CSMD3: variants seen among roughly 807,000 people sequenced by gnomAD.
CSMD3 encodes CUB and Sushi multiple domains 3.
CSMD3 carries 177 observed loss-of-function variants against 435.2 expected under a neutral mutation model. That is an observed-to-expected ratio of 0.41 (90% confidence interval 0.36 to 0.46). CSMD3 has a LOEUF of 0.46. CSMD3 is among the 20% of genes least tolerant of loss of function. The pLI is 0.34. For synonymous variants in CSMD3, 1,656 were observed against 1,520.5 expected, an observed-to-expected ratio of 1.09 and a Z score of -2.07; for missense variants, 4,265 against 4,504.6, an observed-to-expected ratio of 0.95 and a Z score of 1.52.
intron 4 of CSMD3, among the ~76,000 whole-genome samples, chr8:113,122,328 C>G (rs1412559535): frequency 1.3e-5 from 2 of 152,002 alleles, no homozygotes; most frequent in African/African-American, 4.8e-5. Context: ...GTAGAAGCAT[C>G]CATGTTTAGA....
At chr8:113,122,343 T>C (rs1334395751) in intron 4 of CSMD3, among the ~76,000 whole-genome samples, 1 of 152,114 alleles carries the variant, frequency 6.6e-6, no homozygotes. Flanking sequence ...TTTAGATAAA[T>C]AGTGTGAACA....
At chr8:112,641,772 G>A (rs986776120) in intron 20 of CSMD3, among the ~76,000 whole-genome samples, 1 of 152,180 alleles carries the variant, frequency 6.6e-6, no homozygotes, top group Admixed American at 6.6e-5. Flanking sequence ...CAGGAAGACT[G>A]AGGATGCAGT....
intron 4 of CSMD3, among the ~76,000 whole-genome samples, chr8:113,162,571 CAAAAAAAAA>C (rs753811903): frequency 1.7e-5 from 1 of 59,790 alleles, no homozygotes; most frequent in Non-Finnish European, 3.3e-5. Flanking sequence ...GTCCCCACAT[CAAAAAAAAA>C]AAAAAAAAAA....
chr8:112,274,503 G>A (rs1210962389), intron 59 of CSMD3, among the ~76,000 whole-genome samples: 3 of 152,098 alleles, frequency 2.0e-5, no homozygotes, highest in Admixed American at 1.3e-4. Context: ...TGTCTCTAGA[G>A]ATATAGGAAG....
intron 10 of CSMD3, among the ~76,000 whole-genome samples, chr8:112,886,967 G>C (rs1055329236): frequency 2.0e-5 from 3 of 151,096 alleles, no homozygotes; most frequent in Non-Finnish European, 4.4e-5. Flanking sequence ...TGCGGATTTG[G>C]AGGGCTGACT....
At chr8:112,583,971 A>T (rs1830524595) in intron 23 of CSMD3, among the ~76,000 whole-genome samples, 2 of 151,818 alleles carry the variant, frequency 1.3e-5, no homozygotes, top group Admixed American at 1.3e-4. Flanking sequence ...TTGCCTAAAT[A>T]GGATTTTCTC....
intron 35 of CSMD3, among the ~76,000 whole-genome samples, chr8:112,403,964 A>G (rs1831550185): frequency 6.6e-6 from 1 of 152,212 alleles, no homozygotes; most frequent in Non-Finnish European, 1.5e-5. Context: ...ACAGAATAAT[A>G]CAAGAATAGT....
intron 40 of CSMD3, among the ~76,000 whole-genome samples, chr8:112,350,273 A>G (rs1488568866): frequency 7.7e-6 from 1 of 129,870 alleles, no homozygotes; most frequent in African/African-American, 2.7e-5. Context: ...CAAGTCATGG[A>G]CTTTTTTTTT....
At chr8:112,732,369 T>G (rs923771853) in intron 13 of CSMD3, among the ~76,000 whole-genome samples, 5 of 152,086 alleles carry the variant, frequency 3.3e-5, no homozygotes, top group Admixed American at 3.3e-4. Context: ...CACTAACTGA[T>G]AGTGGTTTTG....
At chr8:112,241,839 C>T in intron 65 of CSMD3, 54 bp from the exon 66 acceptor site, 1 of 898,768 alleles carries the variant, frequency 1.1e-6, no homozygotes, top group Non-Finnish European at 1.8e-6. Flanking sequence ...ATTACATACA[C>T]ATGCGCACAC....
chr8:112,825,907 C>G (rs1290944528), intron 12 of CSMD3, among the ~76,000 whole-genome samples: 3 of 152,004 alleles, frequency 2.0e-5, no homozygotes, highest in African/African-American at 4.8e-5. Context: ...CTCGTCTGGT[C>G]TGCCTGGATT....
chr8:112,647,020 C>T (rs1353581508), intron 19 of CSMD3, among the ~76,000 whole-genome samples: 1 of 152,108 alleles, frequency 6.6e-6, no homozygotes, highest in Non-Finnish European at 1.5e-5. Context: ...CCACAACAAC[C>T]TTTTGAGAAA....
intron 27 of CSMD3, among the ~76,000 whole-genome samples, chr8:112,545,497 AAAAAAAT>A (rs1827094146): frequency 7.0e-6 from 1 of 143,796 alleles, no homozygotes; most frequent in Non-Finnish European, 1.5e-5. Flanking sequence ...AAAAAAAAAA[AAAAAAAT>A]AATAATAATA....
intron 22 of CSMD3, among the ~76,000 whole-genome samples, chr8:112,617,909 T>C (rs2131500980): frequency 6.6e-6 from 1 of 152,254 alleles, no homozygotes; most frequent in South Asian, 2.1e-4. Context: ...TTTTCTTTCC[T>C]TCAATTCTCA....
At chr8:112,517,315 A>T in intron 27 of CSMD3, 90 bp from the exon 28 acceptor site, 1 of 907,482 alleles carries the variant, frequency 1.1e-6, no homozygotes, top group Non-Finnish European at 1.7e-6. Context: ...AATTTTTAAA[A>T]TTTTGGGGTC....
At chr8:113,349,171 T>G (rs2094173060) in intron 1 of CSMD3, among the ~76,000 whole-genome samples, 1 of 152,108 alleles carries the variant, frequency 6.6e-6, no homozygotes, top group Admixed American at 6.6e-5. Flanking sequence ...TCAATGAGTC[T>G]TCATTTTTCA....
intron 10 of CSMD3, among the ~76,000 whole-genome samples, chr8:112,861,606 G>C (rs772164467): frequency 6.6e-6 from 1 of 151,812 alleles, no homozygotes; most frequent in African/African-American, 2.4e-5. Flanking sequence ...TCCATAAGAA[G>C]GGTTTCTAAT....
intron 6 of CSMD3, among the ~76,000 whole-genome samples, chr8:112,996,994 G>A (rs892149703): frequency 6.6e-6 from 1 of 151,496 alleles, no homozygotes; most frequent in Non-Finnish European, 1.5e-5. Context: ...TCCCTACTTC[G>A]GTGATTATTA....
At chr8:112,700,626 A>G (rs1050063401) in intron 13 of CSMD3, among the ~76,000 whole-genome samples, 2 of 152,118 alleles carry the variant, frequency 1.3e-5, no homozygotes, top group Non-Finnish European at 2.9e-5. Context: ...ACTCATGACC[A>G]TTTCTGTTGG....
Sources: allele counts gnomAD v4.1 joint callset (sites outside exome capture counted in the v4.1 genomes callset), GRCh38; gene constraint gnomAD v4.1.1; transcripts MANE v1.5; gene names NCBI Gene and HGNC (gene_info 2026-07-23, HGNC 2026-07-21).